ABCA13: variants seen among roughly 807,000 people sequenced by gnomAD.
ABCA13 encodes the protein ATP-binding cassette sub-family A member 13.
In ABCA13, 476 loss-of-function variants were observed where a neutral mutation model predicts 478.7. The observed-to-expected ratio is 0.99, with a 90% CI of 0.92 to 1.07. The LOEUF (loss-of-function observed/expected upper bound fraction) is 1.07. Ranked by LOEUF, ABCA13 falls within the 50% of genes least tolerant of loss-of-function variation. The pLI is 0.00. For synonymous variants in ABCA13, 2,252 were observed against 2,158.9 expected (o/e 1.04, Z -1.20); for missense variants, 6,060 against 5,910.6 (o/e 1.03, Z -0.83).
chr7:48,631,065 C>T (rs1794123186), intron 59 of ABCA13, among the ~76,000 whole-genome samples: 1 of 151,556 alleles, frequency 6.6e-6, no homozygotes, highest in African/African-American at 2.4e-5. Context: ...TTGTTGGGTG[C>T]ATAGTTTGGA....
chr7:48,512,500 G>A (rs1398720690), intron 51 of ABCA13, among the ~76,000 whole-genome samples: 1 of 152,136 alleles, frequency 6.6e-6, no homozygotes, highest in Non-Finnish European at 1.5e-5. Context: ...CTATGTGTGT[G>A]TACCCAGCTC....
intron 55 of ABCA13, among the ~76,000 whole-genome samples, chr7:48,546,433 G>A (rs1192435077): frequency 6.6e-6 from 1 of 151,366 alleles, no homozygotes; most frequent in Non-Finnish European, 1.5e-5. Flanking sequence ...TAGGTCAATA[G>A]TTGTTATATA....
chr7:48,502,069 G>A (rs1175063632), intron 48 of ABCA13, among the ~76,000 whole-genome samples: 1 of 152,196 alleles, frequency 6.6e-6, no homozygotes, highest in African/African-American at 2.4e-5. Context: ...GCTGAAAGCT[G>A]ACTTACAAAG....
intron 26 of ABCA13, among the ~76,000 whole-genome samples, chr7:48,316,939 C>A (rs1336036521): frequency 2.6e-5 from 4 of 152,172 alleles, no homozygotes; most frequent in African/African-American, 9.7e-5. Context: ...CTAAAGACTT[C>A]TTGTTAGGCT....
chr7:48,609,613 C>A (rs1451875018), intron 58 of ABCA13, among the ~76,000 whole-genome samples: 2 of 152,080 alleles, frequency 1.3e-5, no homozygotes, highest in Admixed American at 1.3e-4. Context: ...CAAGAATGAC[C>A]AACACTACTT....
intron 13 of ABCA13, among the ~76,000 whole-genome samples, chr7:48,248,028 A>C (rs1006244340): frequency 6.6e-6 from 1 of 152,186 alleles, no homozygotes; most frequent in African/African-American, 2.4e-5. Context: ...TTATTGGATT[A>C]AGTTTTATTT....
At chr7:48,382,141 G>C (rs1244366934) in intron 35 of ABCA13, among the ~76,000 whole-genome samples, 1 of 152,062 alleles carries the variant, frequency 6.6e-6, no homozygotes, top group Non-Finnish European at 1.5e-5. Flanking sequence ...CATTACCTTA[G>C]TTCAGGCCTC....
chr7:48,574,169 T>TAAA (rs1387871313), intron 55 of ABCA13, among the ~76,000 whole-genome samples: 4 of 152,130 alleles, frequency 2.6e-5, no homozygotes, highest in Non-Finnish European at 5.9e-5. Flanking sequence ...CTGATAAATT[T>TAAA]TGATTAAATG....
Position 48,275,933 on chromosome 7 carries a change from A to G in ABCA13, c.6267A>G (p.Ile2089Met), listed in dbSNP as rs768505879. The change falls in exon 17 of 62, where the codon ATA becomes ATG. Residue 2089 changes from isoleucine (I) to methionine (M), a missense_variant. Transcript: ENST00000435803. ...AAATGAACAAAGGAATCAAAAGTATAAATTCAATGGCTCTTCAAAAGATAA... is the reference window on the plus strand; with the variant it reads ...AAATGAACAAAGGAATCAAAAGTATGAATTCAATGGCTCTTCAAAAGATAA... The part of the protein sequence containing the change: ...LSEMNKGIKS[I>M]NSMALQKITL... 8 of 1,613,766 alleles carry G rather than the reference A, an allele frequency of 5.0e-6. No individual in the cohort carries two copies. In the Admixed American group the frequency reaches 8.3e-5, roughly 17 times the overall value.
At chr7:48,412,066 C>T (rs1050508076) in intron 40 of ABCA13, among the ~76,000 whole-genome samples, 3 of 152,172 alleles carry the variant, frequency 2.0e-5, no homozygotes, top group African/African-American at 7.2e-5. Flanking sequence ...TTCATGAATA[C>T]AAACCTCTGG....
intron 57 of ABCA13, among the ~76,000 whole-genome samples, chr7:48,588,320 G>T (rs920548287): frequency 6.6e-6 from 1 of 152,180 alleles, no homozygotes; most frequent in Non-Finnish European, 1.5e-5. Context: ...TTTTCAACAT[G>T]AGGCAGGATT....
At chr7:48,342,502 C>G (rs1807395862) in intron 29 of ABCA13, among the ~76,000 whole-genome samples, 1 of 152,150 alleles carries the variant, frequency 6.6e-6, no homozygotes, top group Non-Finnish European at 1.5e-5. Context: ...GCCTCTCCCC[C>G]TTCTTTTACT....
chr7:48,400,200 A>G (rs1817410431), intron 38 of ABCA13, among the ~76,000 whole-genome samples: 1 of 152,128 alleles, frequency 6.6e-6, no homozygotes, highest in Non-Finnish European at 1.5e-5. Context: ...CTATACTCTT[A>G]TTATAATTTC....
chr7:48,510,996 G>A, intron 50 of ABCA13, 88 bp from the exon 51 acceptor site: 1 of 1,092,178 alleles, frequency 9.2e-7, no homozygotes, highest in South Asian at 1.4e-5. Flanking sequence ...TATTTGTGAA[G>A]TTGAAAGGAA....
intron 42 of ABCA13, among the ~76,000 whole-genome samples, chr7:48,446,757 A>G (rs930534326): frequency 6.6e-6 from 1 of 152,118 alleles, no homozygotes; most frequent in Non-Finnish European, 1.5e-5. Flanking sequence ...TCTTTAACCA[A>G]ATTTCCTCAA....
intron 42 of ABCA13, among the ~76,000 whole-genome samples, chr7:48,439,287 A>C (rs956506370): frequency 2.0e-5 from 3 of 152,084 alleles, no homozygotes; most frequent in African/African-American, 7.2e-5. Context: ...TGAGGTGCCC[A>C]TTTTTTGGCT....
intron 57 of ABCA13, among the ~76,000 whole-genome samples, chr7:48,587,750 T>C (rs1045178725): frequency 3.9e-5 from 6 of 151,964 alleles, no homozygotes; most frequent in Admixed American, 1.3e-4. Context: ...AGCAAGAGGG[T>C]AGAGTATATG....
chr7:48,387,928 GTTC>G lies in ABCA13; in HGVS notation c.11449_11451del (p.Phe3817del), dbSNP rs564802368. ...GGCAATACTTTCTAAGTTCTAGTCT[GTTC>G]TTCTTCAATGAGAACTTTGACAATA... On this transcript the variant is annotated inframe_deletion, in exon 36 of 62. Coordinates refer to ENST00000435803, the MANE Select transcript of ABCA13 (RefSeq NM_152701.5). The G allele has an allele frequency of 5.1e-4, 818 of 1,611,368 alleles. 2 individuals carry two copies. Among genetic ancestry groups the G allele is most frequent in the Non-Finnish European group, 6.5e-4 (769 of 1,178,866 alleles).
At chr7:48,530,746 G>C (rs182540148) in intron 55 of ABCA13, among the ~76,000 whole-genome samples, 1 of 152,216 alleles carries the variant, frequency 6.6e-6, no homozygotes. Flanking sequence ...TAGTGATGTT[G>C]AGCATTTTTT....
Sources: gnomAD v4.1 joint callset for allele counts (sites outside exome capture counted in the v4.1 genomes callset) on GRCh38, gnomAD v4.1.1 for gene constraint, MANE v1.5 for transcripts, NCBI Gene and HGNC (gene_info 2026-07-23, HGNC 2026-07-21) for gene names.